The following ZFHX3 variants were observed in gnomAD, a reference collection of about 807,000 sequenced individuals.
The protein encoded by ZFHX3 is zinc finger homeobox protein 3.
ZFHX3 carries 42 observed loss-of-function variants against 279.1 expected under a neutral mutation model. The ratio of observed to expected loss-of-function variants is 0.15; its 90% CI spans 0.12 to 0.19. The LOEUF is 0.19. Ranked by LOEUF, ZFHX3 falls within the 10% of genes least tolerant of loss-of-function variation. The pLI is 1.00. For missense variants in ZFHX3, 4,981 were observed against 4,754.0 expected (o/e 1.05, Z -1.40); for synonymous variants, 2,293 against 1,957.8 (o/e 1.17, Z -4.52).
At chr16:73,241,889 T>C (rs2013135750) in intron 5 of ZFHX3, among the ~76,000 whole-genome samples, 1 of 152,012 alleles carries the variant, frequency 6.6e-6, no homozygotes, top group South Asian at 2.1e-4. Context: ...TCAGAATCTC[T>C]GCTCTCTTAT....
In ZFHX3 at chr16:72,856,263, A is replaced by G. The variant is rs150839979; in HGVS notation, c.3449-26404T>C. Among the ~76,000 whole-genome samples the G allele has an allele frequency of 1.1e-4, 17 of 152,344 alleles. No homozygotes were observed. In the East Asian group the frequency reaches 2.7e-3, roughly 24 times the overall value. ...ATGTTCTAGAACAAAGGAAAAGCCA[A>G]TGAGACTGACAATGAGCACGCACGT... On this transcript the variant is annotated intron_variant, in intron 4 of 9. Coordinates refer to ENST00000268489, the MANE Select transcript of ZFHX3 (RefSeq NM_006885.4).
At chr16:73,678,215 T>C (rs1182992959) in intron 2 of ZFHX3, among the ~76,000 whole-genome samples, 1 of 152,112 alleles carries the variant, frequency 6.6e-6, no homozygotes, top group Non-Finnish European at 1.5e-5. Context: ...GAGTAAAACT[T>C]TTCTGTGTTA....
chr16:73,067,776 T>TC (rs1480630856), intron 8 of ZFHX3, among the ~76,000 whole-genome samples: 1 of 151,956 alleles, frequency 6.6e-6, no homozygotes, highest in Admixed American at 6.6e-5. Flanking sequence ...CTTGGAGGGG[T>TC]CTGCAGAGAG....
intron 3 of ZFHX3, among the ~76,000 whole-genome samples, chr16:73,435,118 G>A (rs1292640206): frequency 6.6e-6 from 1 of 152,140 alleles, no homozygotes; most frequent in Non-Finnish European, 1.5e-5. Context: ...GGTGCACCTA[G>A]GCAGAGATTT....
chr16:72,936,810 G>C (rs1445214709), intron 3 of ZFHX3, among the ~76,000 whole-genome samples: 1 of 152,136 alleles, frequency 6.6e-6, no homozygotes, highest in Non-Finnish European at 1.5e-5. Flanking sequence ...GATATGACCT[G>C]ATTTTCCTCT....
chr16:73,447,790 A>G (rs1474166239), intron 3 of ZFHX3, among the ~76,000 whole-genome samples: 1 of 152,224 alleles, frequency 6.6e-6, no homozygotes, highest in Non-Finnish European at 1.5e-5. Flanking sequence ...AGCTCTACAT[A>G]TTAAGCAAGA....
At chr16:73,659,259 C>T (rs2052754491) in intron 2 of ZFHX3, among the ~76,000 whole-genome samples, 1 of 152,194 alleles carries the variant, frequency 6.6e-6, no homozygotes, top group Non-Finnish European at 1.5e-5. Context: ...CACAACATCT[C>T]TGCAGCCAAA....
chr16:72,894,148 CA>C (rs11340955), intron 3 of ZFHX3, among the ~76,000 whole-genome samples: 95,488 of 124,880 alleles, frequency 0.76, 35,495 homozygotes, highest in African/African-American at 0.82. Context: ...AACTCTGTCT[CA>C]AAAAAAAAAA....
At chr16:72,798,934 G>A (rs1002766034) in intron 8 of ZFHX3, among the ~76,000 whole-genome samples, 2 of 152,088 alleles carry the variant, frequency 1.3e-5, no homozygotes, top group Non-Finnish European at 1.5e-5. Flanking sequence ...GAACAGAGAT[G>A]GATAAAAGGA....
chr16:72,816,401 A>G (rs955550052), intron 5 of ZFHX3, among the ~76,000 whole-genome samples: 1 of 152,192 alleles, frequency 6.6e-6, no homozygotes, highest in Non-Finnish European at 1.5e-5. Context: ...GAATCATGCG[A>G]CTGAATGCGC....
chr16:72,880,924 A>C (rs1309280930), intron 4 of ZFHX3, among the ~76,000 whole-genome samples: 1 of 152,240 alleles, frequency 6.6e-6, no homozygotes, highest in Admixed American at 6.5e-5. Flanking sequence ...AGCAAAATTA[A>C]ATGCTTATTT....
intron 2 of ZFHX3, among the ~76,000 whole-genome samples, chr16:73,461,527 T>C (rs1328368714): frequency 6.6e-6 from 1 of 152,250 alleles, no homozygotes; most frequent in African/African-American, 2.4e-5. Flanking sequence ...TGTTTTGCAT[T>C]GAATTCTGCA....
chr16:72,828,778 C>T (rs1326359475), intron 5 of ZFHX3, among the ~76,000 whole-genome samples: 2 of 152,154 alleles, frequency 1.3e-5, no homozygotes, highest in African/African-American at 4.8e-5. Flanking sequence ...TCTTAGCTCA[C>T]TGCAGCTTCG....
At chr16:73,119,807 T>C (rs1966475315) in intron 7 of ZFHX3, among the ~76,000 whole-genome samples, 1 of 152,164 alleles carries the variant, frequency 6.6e-6, no homozygotes, top group South Asian at 2.1e-4. Flanking sequence ...GCCTCCTAAG[T>C]AGCTGGGACT....
chr16:73,691,651 T>G (rs546760317), intron 1 of ZFHX3, among the ~76,000 whole-genome samples: 1 of 152,312 alleles, frequency 6.6e-6, no homozygotes, highest in South Asian at 2.1e-4. Flanking sequence ...ATATTCCCAT[T>G]TTACATCAGG....
chr16:73,635,566 G>C (rs1431587305), intron 2 of ZFHX3, among the ~76,000 whole-genome samples: 1 of 152,138 alleles, frequency 6.6e-6, no homozygotes, highest in Non-Finnish European at 1.5e-5. Context: ...TGTTATCCCA[G>C]AAAAATATTT....
At chr16:73,258,977 G>T in intron 4 of ZFHX3, among the ~76,000 whole-genome samples, 1 of 152,132 alleles carries the variant, frequency 6.6e-6, no homozygotes, top group South Asian at 2.1e-4. Context: ...ACAAATTCTT[G>T]TGCAATCTGT....
chr16:72,882,511 A>G (rs937125524), intron 4 of ZFHX3, among the ~76,000 whole-genome samples: 2 of 152,182 alleles, frequency 1.3e-5, no homozygotes, highest in Non-Finnish European at 2.9e-5. Flanking sequence ...CCAGGTCTAG[A>G]TAACTGCTGA....
chr16:73,443,963 G>T (rs1397332531), intron 3 of ZFHX3, among the ~76,000 whole-genome samples: 1 of 151,862 alleles, frequency 6.6e-6, no homozygotes, highest in African/African-American at 2.4e-5. Flanking sequence ...TATTATTTAT[G>T]ATGCCCAGGC....
Sources: allele counts gnomAD v4.1 joint callset (sites outside exome capture counted in the v4.1 genomes callset), GRCh38; gene constraint gnomAD v4.1.1; transcripts MANE v1.5; gene names NCBI Gene and HGNC (gene_info 2026-07-23, HGNC 2026-07-21).